UNC5C: variants seen among roughly 807,000 people sequenced by gnomAD.
UNC5C encodes unc-5 netrin receptor C.
Under a neutral mutation model 99.8 loss-of-function variants are expected in UNC5C, and 47 were observed. That is an observed-to-expected ratio of 0.47 (90% CI 0.37 to 0.60). The LOEUF (loss-of-function observed/expected upper bound fraction) is 0.60. Among genes scored for constraint, UNC5C ranks in the 20% least tolerant of loss-of-function variants. The probability of loss-of-function intolerance (pLI) is 0.00; values close to 1 mark genes in which losing one functional copy is unlikely to be tolerated. For missense variants in UNC5C, 1,062 were observed against 1,165.9 expected (o/e 0.91, Z 1.30); for synonymous variants, 487 against 452.2 (o/e 1.08, Z -0.98).
chr4:95,402,770 A>T (rs1255314625), intron 1 of UNC5C, among the ~76,000 whole-genome samples: 1 of 152,204 alleles, frequency 6.6e-6, no homozygotes, highest in East Asian at 1.9e-4. Context: ...ATTATCTGCA[A>T]TTAGCTAAAC....
At chr4:95,437,204 A>T (rs1471807758) in intron 1 of UNC5C, among the ~76,000 whole-genome samples, 14 of 151,894 alleles carry the variant, frequency 9.2e-5, no homozygotes. Flanking sequence ...TGAGATTTAC[A>T]TTAGTGTATC....
chr4:95,236,513 C>G (rs1161377633), intron 7 of UNC5C, among the ~76,000 whole-genome samples: 1 of 150,976 alleles, frequency 6.6e-6, no homozygotes, highest in Admixed American at 6.6e-5. Context: ...AGCACACGAA[C>G]GTGGCACATG....
chr4:95,177,913 G>T (rs1208269007), intron 14 of UNC5C, among the ~76,000 whole-genome samples: 10 of 149,562 alleles, frequency 6.7e-5, no homozygotes, highest in African/African-American at 2.2e-4. Context: ...TCACTGTGTT[G>T]TCCAGATTGG....
chr4:95,479,430 C>T (rs1185393676), intron 1 of UNC5C, among the ~76,000 whole-genome samples: 1 of 151,922 alleles, frequency 6.6e-6, no homozygotes, highest in South Asian at 2.1e-4. Context: ...TTAGATGATA[C>T]TGCTATGCAC....
At chr4:95,273,259 G>C (rs908761173) in intron 4 of UNC5C, among the ~76,000 whole-genome samples, 1 of 152,150 alleles carries the variant, frequency 6.6e-6, no homozygotes, top group African/African-American at 2.4e-5. Context: ...ATTATAATTA[G>C]AGAAGCAATT....
intron 7 of UNC5C, 83 bp downstream of exon 7, chr4:95,242,346 T>G: frequency 6.5e-7 from 1 of 1,538,164 alleles, no homozygotes; most frequent in South Asian, 1.2e-5. Context: ...AAGAATTCTT[T>G]ATTTCTAATG....
intron 1 of UNC5C, among the ~76,000 whole-genome samples, chr4:95,459,117 T>C (rs1747525694): frequency 6.6e-6 from 1 of 152,074 alleles, no homozygotes; most frequent in Non-Finnish European, 1.5e-5. Context: ...GAACATAAAG[T>C]TACAAGGAAC....
chr4:95,222,336 G>C, intron 7 of UNC5C: 250 of 798,456 alleles, frequency 3.1e-4, no homozygotes, highest in Non-Finnish European at 4.2e-4. Context: ...AAAATAGGAA[G>C]CATGAAAAAT....
chr4:95,399,020 T>C (rs925336238), intron 1 of UNC5C, among the ~76,000 whole-genome samples: 2 of 152,166 alleles, frequency 1.3e-5, no homozygotes, highest in Non-Finnish European at 2.9e-5. Context: ...TCTCTTTAAT[T>C]CTCTACTGAA....
At chr4:95,297,556 CGAGTG>C (rs1389075017) in intron 3 of UNC5C, among the ~76,000 whole-genome samples, 1 of 152,040 alleles carries the variant, frequency 6.6e-6, no homozygotes. Context: ...ACAAATTTTA[CGAGTG>C]AATATAATTG....
chr4:95,292,269 ATTT>A (rs1422248773), intron 3 of UNC5C, among the ~76,000 whole-genome samples: 1 of 115,530 alleles, frequency 8.7e-6, no homozygotes, highest in Non-Finnish European at 1.8e-5. Context: ...ATATATATAA[ATTT>A]TTTTTGTTTT....
At chr4:95,249,596 C>T (rs1033601013) in intron 5 of UNC5C, among the ~76,000 whole-genome samples, 21 of 152,272 alleles carry the variant, frequency 1.4e-4, no homozygotes, top group African/African-American at 4.6e-4. Context: ...GGAGATGAAT[C>T]TACTCATGAA....
rs149789451 is a variant in UNC5C, at chr4:95,516,690, T to C, written c.124+32044A>G. On this transcript the variant is annotated intron_variant, in intron 1 of 15. Coordinates refer to ENST00000453304, the MANE Select transcript of UNC5C (RefSeq NM_003728.4). ...AGCTTTCCCAAGTCCTGCTTCTAAG[T>C]CCATGGCTCTTGTAATCAAAGTAAC... Among the ~76,000 whole-genome samples the C allele has an allele frequency of 1.1e-3, 168 of 152,242 alleles. 1 individual carries two copies. The highest frequency in any genetic ancestry group is 3.9e-3 in the African/African-American group (162 of 41,536).
At chr4:95,404,004 A>C (rs1207964173) in intron 1 of UNC5C, among the ~76,000 whole-genome samples, 1 of 152,232 alleles carries the variant, frequency 6.6e-6, no homozygotes, top group African/African-American at 2.4e-5. Flanking sequence ...AATAGACTCT[A>C]AAGGCCTGGG....
intron 4 of UNC5C, among the ~76,000 whole-genome samples, chr4:95,262,159 A>G (rs1287394683): frequency 6.6e-6 from 1 of 152,214 alleles, no homozygotes; most frequent in Non-Finnish European, 1.5e-5. Context: ...TTAGTGTTGT[A>G]GTTGAGAAAA....
At chr4:95,232,481 C>G (rs959630029) in intron 7 of UNC5C, among the ~76,000 whole-genome samples, 5 of 152,088 alleles carry the variant, frequency 3.3e-5, no homozygotes, top group African/African-American at 1.2e-4. Context: ...AACCTATCTG[C>G]TAGATTTCTA....
intron 1 of UNC5C, among the ~76,000 whole-genome samples, chr4:95,485,532 C>T (rs1721301099): frequency 6.6e-6 from 1 of 151,678 alleles, no homozygotes; most frequent in African/African-American, 2.4e-5. Flanking sequence ...CTTCATGTGG[C>T]ACCAAAGGAA....
intron 14 of UNC5C, among the ~76,000 whole-genome samples, chr4:95,180,422 A>C (rs539005355): frequency 6.6e-6 from 1 of 152,374 alleles, no homozygotes; most frequent in South Asian, 2.1e-4. Flanking sequence ...GCACTTGTCT[A>C]TGAAACCAAC....
chr4:95,376,184 A>C (rs28615872), intron 1 of UNC5C, among the ~76,000 whole-genome samples: 1 of 151,652 alleles, frequency 6.6e-6, no homozygotes, highest in Non-Finnish European at 1.5e-5. Flanking sequence ...TTACACATAC[A>C]TCTCATATAT....
Sources: allele counts gnomAD v4.1 joint callset (sites outside exome capture counted in the v4.1 genomes callset), GRCh38; gene constraint gnomAD v4.1.1; transcripts MANE v1.5; gene names NCBI Gene and HGNC (gene_info 2026-07-23, HGNC 2026-07-21).